HS3ST2: variants seen among roughly 807,000 people sequenced by gnomAD.
The protein encoded by HS3ST2 is heparan sulfate-glucosamine 3-sulfotransferase 2.
In HS3ST2, 17 loss-of-function variants were observed where a neutral mutation model predicts 26.3. The ratio of observed to expected loss-of-function variants is 0.65; its 90% CI spans 0.44 to 0.97. The LOEUF is 0.97. HS3ST2 is among the 50% of genes least tolerant of loss of function. The probability of loss-of-function intolerance (pLI) is 0.00; values close to 1 mark genes in which losing one functional copy is unlikely to be tolerated. For missense variants in HS3ST2, 402 were observed against 501.2 expected (o/e 0.80, Z 1.89); for synonymous variants, 237 against 219.2 (o/e 1.08, Z -0.72).
In HS3ST2 at chr16:22,814,569, C is replaced by A. The variant is rs973464774; in HGVS notation, c.-42C>A. 1 of 1,473,114 alleles carries A rather than the reference C, an allele frequency of 6.8e-7. No individual in the cohort carries two copies. The highest frequency in any genetic ancestry group is 2.6e-5 in the East Asian group (1 of 37,968). 91.3% of individuals were successfully genotyped at this position (1,473,114 alleles called of 1,614,324 possible). ...GGCCACAGCAGCTCAGCCGCCGGTG[C>A]CCCCTCGGAAACCATGACCCCCGGC... On this transcript the variant is annotated 5_prime_UTR_variant, in exon 1 of 2. Transcript: ENST00000261374.
At chr16:22,842,071 T>C (rs1384033294) in intron 1 of HS3ST2, among the ~76,000 whole-genome samples, 2 of 147,488 alleles carry the variant, frequency 1.4e-5, no homozygotes, top group Non-Finnish European at 3.0e-5. Flanking sequence ...TCTTTTTTTT[T>C]TTTTTTTTTT....
intron 1 of HS3ST2, among the ~76,000 whole-genome samples, chr16:22,893,193 G>C (rs1902153367): frequency 6.6e-6 from 1 of 152,146 alleles, no homozygotes; most frequent in Non-Finnish European, 1.5e-5. Context: ...CTTTGGGCGG[G>C]TTACTTCTCT....
chr16:22,836,697 T>C (rs186319098), intron 1 of HS3ST2, among the ~76,000 whole-genome samples: 2 of 152,268 alleles, frequency 1.3e-5, no homozygotes, highest in East Asian at 3.9e-4. Context: ...TTCAGCCAAA[T>C]TGAAATGTTT....
intron 1 of HS3ST2, among the ~76,000 whole-genome samples, chr16:22,890,627 T>C (rs895786100): frequency 6.6e-6 from 1 of 152,196 alleles, no homozygotes; most frequent in African/African-American, 2.4e-5. Flanking sequence ...CACTTAATTA[T>C]TACAATAATC....
At chr16:22,877,863 A>G (rs1014934934) in intron 1 of HS3ST2, among the ~76,000 whole-genome samples, 1 of 152,220 alleles carries the variant, frequency 6.6e-6, no homozygotes, top group Non-Finnish European at 1.5e-5. Context: ...CAAGGTATTC[A>G]GGAGGCAGAG....
chr16:22,818,706 T>C (rs1258483037), intron 1 of HS3ST2, among the ~76,000 whole-genome samples: 1 of 92,644 alleles, frequency 1.1e-5, no homozygotes, highest in Non-Finnish European at 2.1e-5. Flanking sequence ...CTTCCTTCCT[T>C]CCCTCCTTCC....
At chr16:22,829,531 T>C (rs1901138704) in intron 1 of HS3ST2, among the ~76,000 whole-genome samples, 1 of 152,138 alleles carries the variant, frequency 6.6e-6, no homozygotes. Flanking sequence ...AAGTGAACTC[T>C]CAATTTATAA....
At chr16:22,867,430 G>T (rs925274637) in intron 1 of HS3ST2, among the ~76,000 whole-genome samples, 2 of 152,146 alleles carry the variant, frequency 1.3e-5, no homozygotes, top group African/African-American at 4.8e-5. Context: ...CAAAGGCAAA[G>T]CAGCCAGCAA....
At chr16:22,879,676 G>A (rs61117861) in intron 1 of HS3ST2, among the ~76,000 whole-genome samples, 19,129 of 152,094 alleles carry the variant, frequency 0.13, 1,739 homozygotes, top group East Asian at 0.33. Context: ...GCATTAATGC[G>A]GCTGCACACC....
intron 1 of HS3ST2, among the ~76,000 whole-genome samples, chr16:22,882,495 AG>A (rs1902001686): frequency 6.6e-6 from 1 of 152,204 alleles, no homozygotes; most frequent in Non-Finnish European, 1.5e-5. Flanking sequence ...GCAATTTGGG[AG>A]GCTGAGACAG....
In HS3ST2 at chr16:22,827,996, C is replaced by T. The variant is rs150930618; in HGVS notation, c.485+12901C>T. ...TGCTAGGATTACAGGCCTGAGCCAC[C>T]GTGCCCAGCCCAAGTTCCTACTAAG... On this transcript the variant is annotated intron_variant, in intron 1 of 1. Coordinates refer to ENST00000261374, the MANE Select transcript of HS3ST2 (RefSeq NM_006043.2). Among the ~76,000 whole-genome samples the T allele has an allele frequency of 6.4e-4, 97 of 152,170 alleles. 1 individual carries two copies. Among genetic ancestry groups the T allele is most frequent in the Middle Eastern group, 3.4e-3 (1 of 294 alleles).
At chr16:22,900,272 G>A (rs1297504206) in intron 1 of HS3ST2, among the ~76,000 whole-genome samples, 2 of 152,196 alleles carry the variant, frequency 1.3e-5, no homozygotes. Context: ...GACTAATGGA[G>A]ACTAGAGGGG....
chr16:22,841,353 G>A (rs1025756607), intron 1 of HS3ST2, among the ~76,000 whole-genome samples: 1 of 152,118 alleles, frequency 6.6e-6, no homozygotes, highest in African/African-American at 2.4e-5. Context: ...GAGCCACAGC[G>A]CCCGGCCTCA....
chr16:22,831,510 C>T (rs1220291313), intron 1 of HS3ST2, among the ~76,000 whole-genome samples: 2 of 151,930 alleles, frequency 1.3e-5, no homozygotes, highest in South Asian at 4.2e-4. Context: ...TTCCCTGGAT[C>T]GGTTTTACAT....
chr16:22,851,407 G>T (rs945987074), intron 1 of HS3ST2, among the ~76,000 whole-genome samples: 1 of 152,154 alleles, frequency 6.6e-6, no homozygotes. Flanking sequence ...GAGTCAAGGG[G>T]CTTGCTCAAA....
At chr16:22,885,239 T>C (rs1014743473) in intron 1 of HS3ST2, among the ~76,000 whole-genome samples, 1 of 152,168 alleles carries the variant, frequency 6.6e-6, no homozygotes, top group Non-Finnish European at 1.5e-5. Context: ...GAAAAAGTCT[T>C]GCCCCAACTT....
chr16:22,913,725 G>C (rs1279419733), intron 1 of HS3ST2, among the ~76,000 whole-genome samples: 1 of 152,204 alleles, frequency 6.6e-6, no homozygotes, highest in Non-Finnish European at 1.5e-5. Flanking sequence ...TCTTAGCCAG[G>C]TGCAGTGGCT....
At chr16:22,874,819 T>C (rs1465854824) in intron 1 of HS3ST2, among the ~76,000 whole-genome samples, 2 of 152,174 alleles carry the variant, frequency 1.3e-5, no homozygotes, top group African/African-American at 4.8e-5. Context: ...AAGGGCTGCA[T>C]CGCCCTGTGA....
chr16:22,909,487 G>A (rs995767434), intron 1 of HS3ST2, among the ~76,000 whole-genome samples: 10 of 152,164 alleles, frequency 6.6e-5, no homozygotes, highest in African/African-American at 1.7e-4. Context: ...GTCTAATCAC[G>A]TCTTCCTCCA....
Sources: gnomAD v4.1 joint callset for allele counts (sites outside exome capture counted in the v4.1 genomes callset) on GRCh38, gnomAD v4.1.1 for gene constraint, MANE v1.5 for transcripts, NCBI Gene and HGNC (gene_info 2026-07-23, HGNC 2026-07-21) for gene names.